NUFIP1: variants seen among roughly 807,000 people sequenced by gnomAD.
The protein encoded by NUFIP1 is nuclear FMR1 interacting protein 1.
A neutral mutation model predicts 56.2 loss-of-function variants in NUFIP1; 38 were observed. The ratio of observed to expected loss-of-function variants is 0.68; its 90% CI spans 0.52 to 0.89. The LOEUF is 0.89. Among genes scored for constraint, NUFIP1 ranks in the 40% least tolerant of loss-of-function variants. NUFIP1 has a pLI of 0.00. For missense variants in NUFIP1, 567 were observed against 605.8 expected, an observed-to-expected ratio of 0.94 and a Z score of 0.67; for synonymous variants, 215 against 212.4, an observed-to-expected ratio of 1.01 and a Z score of -0.10.
chr13:44,959,126 T>A (rs1871335597), intron 7 of NUFIP1, among the ~76,000 whole-genome samples: 2 of 152,182 alleles, frequency 1.3e-5, no homozygotes, highest in Non-Finnish European at 2.9e-5. Context: ...GATTACCTCA[T>A]ACTAATGAAA....
chr13:44,959,901 C>A (rs963538835), intron 6 of NUFIP1, among the ~76,000 whole-genome samples: 1 of 151,412 alleles, frequency 6.6e-6, no homozygotes, highest in Non-Finnish European at 1.5e-5. Flanking sequence ...TTATTTCATT[C>A]TTCTATTGTA....
At chr13:44,947,313 A>C (rs933744985) in intron 8 of NUFIP1, among the ~76,000 whole-genome samples, 1 of 140,456 alleles carries the variant, frequency 7.1e-6, no homozygotes, top group Non-Finnish European at 1.5e-5. Context: ...ATCTTGGCTC[A>C]CTGCAACCTC....
rs1215085228 is a variant in NUFIP1, at chr13:44,939,488, C to CA, written c.*1717dup. On this transcript the variant is annotated 3_prime_UTR_variant, in exon 10 of 10. Coordinates refer to ENST00000379161, the MANE Select transcript of NUFIP1 (RefSeq NM_012345.3). The stretch of plus-strand genomic sequence containing the variant: ...GTTTGAACAATTAACAAGCTAAATC[C>CA]AAAAAAACCTGTACCCAAAACAGGC... The CA allele has an allele frequency of 6.6e-6, 1 of 151,884 alleles. No individual in the cohort carries two copies. The highest frequency in any genetic ancestry group is 1.5e-5 in the Non-Finnish European group (1 of 67,930). 9.4% of individuals were successfully genotyped at this position (151,884 alleles called of 1,614,324 possible).
intron 7 of NUFIP1, among the ~76,000 whole-genome samples, chr13:44,953,939 T>A (rs1871152123): frequency 6.6e-6 from 1 of 152,186 alleles, no homozygotes; most frequent in South Asian, 2.1e-4. Context: ...ACAAACCATA[T>A]GTAATAACAC....
intron 8 of NUFIP1, among the ~76,000 whole-genome samples, chr13:44,948,835 C>T (rs146111602): frequency 1.3e-3 from 203 of 152,312 alleles, no homozygotes; most frequent in African/African-American, 4.6e-3. Flanking sequence ...AAAGGTAAGA[C>T]ATGTATTCTG....
chr13:44,954,153 A>G (rs1293687116), intron 7 of NUFIP1, among the ~76,000 whole-genome samples: 1 of 152,204 alleles, frequency 6.6e-6, no homozygotes, highest in Non-Finnish European at 1.5e-5. Context: ...TCATTTTATA[A>G]AAACAGCTAA....
intron 3 of NUFIP1, 30 bp from the exon 4 acceptor site, chr13:44,979,982 A>C (rs1480959502): frequency 1.3e-6 from 2 of 1,509,610 alleles, no homozygotes; most frequent in East Asian, 4.5e-5. Flanking sequence ...AAAAAAAACT[A>C]TTTAACAAAT....
chr13:44,982,093 G>A lies in NUFIP1; in HGVS notation c.474C>T (p.Pro158=), dbSNP rs200949104. 5.3e-6 allele frequency: 8 copies of A among 1,509,050 alleles called. No homozygotes were observed. The highest frequency in any genetic ancestry group is 1.8e-6 in the Non-Finnish European group (2 of 1,130,534). The allele number at this position is 1,509,050 out of a possible 1,614,324, so 93.5% of individuals were successfully genotyped here. ...DAKFTDFSLP[P]SRKQKKKKRK... ...ATACCTTTTTTTTCTGTTTTCTACT[G>A]GGAGGTAAGCTGAAGTCTGTGAATT... The change falls in exon 2 of 10, where the codon CCC becomes CCT. Residue 158 remains proline, a synonymous_variant. Coordinates refer to ENST00000379161, the MANE Select transcript of NUFIP1 (RefSeq NM_012345.3).
At chr13:44,949,677 A>G (rs1871021345) in intron 8 of NUFIP1, 45 bp downstream of exon 8, 12 of 1,274,518 alleles carry the variant, frequency 9.4e-6, no homozygotes, top group Non-Finnish European at 1.2e-5. Flanking sequence ...CAAAAGGCAA[A>G]AAGCAACAAA....
chr13:44,975,013 C>T (rs984259664), intron 5 of NUFIP1, among the ~76,000 whole-genome samples: 27 of 152,138 alleles, frequency 1.8e-4, no homozygotes, highest in African/African-American at 6.3e-4. Flanking sequence ...TTTTATTTGA[C>T]CTTTCCATCG....
chr13:44,979,324 T>C, intron 4 of NUFIP1, 58 bp from the exon 5 acceptor site: 8 of 1,370,496 alleles, frequency 5.8e-6, no homozygotes, highest in Non-Finnish European at 7.1e-6. Flanking sequence ...TTTGACTAAC[T>C]TGGAGACTTT....
At chr13:44,977,979 G>A (rs1872046644) in intron 5 of NUFIP1, among the ~76,000 whole-genome samples, 1 of 152,184 alleles carries the variant, frequency 6.6e-6, no homozygotes, top group Non-Finnish European at 1.5e-5. Flanking sequence ...AAACCAGCAG[G>A]TGGAGGTTGC....
rs116755008 is a variant in NUFIP1, at chr13:44,989,080, A to G, written c.357T>C (p.Tyr119=). ...GAAACCTATCAGAAGACTGTCTCCA[A>G]TACCACGATGTGGAAGCATGGAAAT... ...PWNFHASTSW[Y]WRQSSDRFPR... Residue 119 remains tyrosine (Y), a synonymous_variant, in exon 1 of 10, where the codon TAT becomes TAC. Coordinates refer to ENST00000379161, the MANE Select transcript of NUFIP1 (RefSeq NM_012345.3). 4.6e-3 allele frequency: 7,475 copies of G among 1,614,182 alleles called. 21 individuals carry two copies. The highest frequency in any genetic ancestry group is 5.8e-3 in the Non-Finnish European group (6,869 of 1,180,014).
In NUFIP1 at chr13:44,959,553, T is replaced by A; in HGVS notation, c.849A>T (p.Arg283Ser). The A allele has an allele frequency of 6.2e-7, 1 of 1,612,632 alleles. No individual in the cohort carries two copies. The highest frequency in any genetic ancestry group is 2.2e-5 in the East Asian group (1 of 44,872). The change falls in exon 7 of 10, where the codon AGA becomes AGT. Residue 283 changes from arginine to serine, a missense_variant. Arg to Ser is a moderately radical substitution (Grantham distance 110). Coordinates refer to ENST00000379161, the MANE Select transcript of NUFIP1 (RefSeq NM_012345.3). The part of the protein sequence containing the change: ...TQYGKMKGMS[R>S]HSQMAKIRSP... ...TTCTGATCTTTGCCATTTGTGAATGTCTGGACATCCCCTTCATCTTGCTGG... is the reference window on the plus strand; with the variant it reads ...TTCTGATCTTTGCCATTTGTGAATGACTGGACATCCCCTTCATCTTGCTGG...
intron 7 of NUFIP1, among the ~76,000 whole-genome samples, chr13:44,951,854 ATC>A (rs1173437126): frequency 6.6e-6 from 1 of 152,206 alleles, no homozygotes; most frequent in African/African-American, 2.4e-5. Flanking sequence ...GCTAAAACTC[ATC>A]TGAGACTTCA....
intron 7 of NUFIP1, among the ~76,000 whole-genome samples, chr13:44,955,737 G>A (rs931074443): frequency 6.6e-6 from 1 of 152,128 alleles, no homozygotes; most frequent in African/African-American, 2.4e-5. Context: ...TACGGCAGGG[G>A]TGTCCAATCT....
intron 9 of NUFIP1, among the ~76,000 whole-genome samples, chr13:44,942,902 G>A (rs1407658209): frequency 1.3e-5 from 2 of 150,810 alleles, no homozygotes; most frequent in Non-Finnish European, 2.9e-5. Flanking sequence ...GGAATTCGAG[G>A]CCACAGTGAG....
At chr13:44,965,765 A>G (rs747012740) in intron 6 of NUFIP1, 79 bp downstream of exon 6, 401 of 573,356 alleles carry the variant, frequency 7.0e-4, no homozygotes, top group Non-Finnish European at 8.8e-4. Context: ...AAAAGCAAAG[A>G]TTTCATAATT....
At chr13:44,976,977 C>T (rs1434959359) in intron 5 of NUFIP1, among the ~76,000 whole-genome samples, 1 of 152,162 alleles carries the variant, frequency 6.6e-6, no homozygotes, top group Non-Finnish European at 1.5e-5. Flanking sequence ...GACCCATCAC[C>T]TCCCAAAGGT....
Sources: allele counts gnomAD v4.1 joint callset (sites outside exome capture counted in the v4.1 genomes callset), GRCh38; gene constraint gnomAD v4.1.1; transcripts MANE v1.5; gene names NCBI Gene and HGNC (gene_info 2026-07-23, HGNC 2026-07-21).